Variants in TESC observed in about 807,000 individuals in gnomAD.
TESC encodes the protein calcineurin B homologous protein 3.
Under a neutral mutation model 31.0 loss-of-function variants are expected in TESC, and 19 were observed. That is an observed-to-expected ratio of 0.61 (90% confidence interval 0.43 to 0.90). The LOEUF is 0.90. Among genes scored for constraint, TESC ranks in the 40% least tolerant of loss-of-function variants. The pLI is 0.00. For synonymous variants in TESC, 109 were observed against 114.8 expected (o/e 0.95, Z 0.32); for missense variants, 248 against 303.8 (o/e 0.82, Z 1.36).
intron 6 of TESC, among the ~76,000 whole-genome samples, chr12:117,045,229 C>T (rs1005482035): frequency 6.6e-6 from 1 of 152,226 alleles, no homozygotes; most frequent in South Asian, 2.1e-4. Context: ...GCTACCCCCA[C>T]CTCATGGGGG....
chr12:117,099,120 G>A (rs1955437210), intron 1 of TESC, 105 bp downstream of exon 1: 1 of 1,245,112 alleles, frequency 8.0e-7, no homozygotes, highest in South Asian at 1.6e-5. Context: ...GAGAGGGCCC[G>A]CCACTGGCCC....
At chr12:117,071,892 T>C (rs1012443144) in intron 2 of TESC, among the ~76,000 whole-genome samples, 3 of 152,172 alleles carry the variant, frequency 2.0e-5, no homozygotes, top group African/African-American at 4.8e-5. Context: ...TCCACAGTGC[T>C]GGGCAACGGA....
At chr12:117,059,496 G>A (rs1285372137) in intron 2 of TESC, among the ~76,000 whole-genome samples, 1 of 152,176 alleles carries the variant, frequency 6.6e-6, no homozygotes, top group African/African-American at 2.4e-5. Context: ...CCAGAGAGAT[G>A]GGATGTTATT....
intron 1 of TESC, among the ~76,000 whole-genome samples, chr12:117,080,986 T>C (rs1955140268): frequency 1.3e-5 from 2 of 152,212 alleles, no homozygotes; most frequent in South Asian, 4.1e-4. Context: ...ATGGGCAGAA[T>C]GGGCTTTGGT....
rs1278670181 is a variant in TESC at position 117,039,136 on chromosome 12, G to C, written c.642C>G (p.His214Gln). Residue 214 changes from histidine (H) to glutamine (Q), a missense_variant, in exon 8 of 8, where the codon CAC (histidine) becomes CAG (glutamine). By Grantham distance (24) the His-to-Gln change is conservative (BLOSUM62 0). Coordinates refer to ENST00000335209, the MANE Select transcript of TESC (RefSeq NM_017899.4). Reference protein sequence around the residue: ...FLNMETMALCH With the variant: ...FLNMETMALCQ ...TCTCCGCGGAGGTGGCGGTGGGTCA[G>C]TGGCAGAGGGCCATGGTTTCCATGT... The C allele has an allele frequency of 5.6e-6, 9 of 1,613,890 alleles. No individual in the cohort carries two copies. The highest frequency in any genetic ancestry group is 7.6e-6 in the Non-Finnish European group (9 of 1,179,952).
chr12:117,069,589 CA>C (rs1300642521), intron 2 of TESC, among the ~76,000 whole-genome samples: 1 of 152,096 alleles, frequency 6.6e-6, no homozygotes, highest in Non-Finnish European at 1.5e-5. Context: ...AGAACCCACG[CA>C]AAAGTAAGGC....
chr12:117,075,873 GTGTATATATATATATATA>G (rs1250555441), intron 1 of TESC, among the ~76,000 whole-genome samples: 36 of 22,244 alleles, frequency 1.6e-3, no homozygotes, highest in African/African-American at 5.7e-3. Context: ...ATATATATGT[GTGTATATATATATATATA>G]TATATATATA....
At chr12:117,094,347 G>A (rs1955362666) in intron 1 of TESC, among the ~76,000 whole-genome samples, 1 of 152,188 alleles carries the variant, frequency 6.6e-6, no homozygotes, top group Non-Finnish European at 1.5e-5. Flanking sequence ...GGGAGGGTTG[G>A]CAGCCGAGGA....
intron 3 of TESC, among the ~76,000 whole-genome samples, chr12:117,052,690 C>T (rs1175393274): frequency 6.6e-6 from 1 of 152,166 alleles, no homozygotes; most frequent in Non-Finnish European, 1.5e-5. Flanking sequence ...AACGACAGCT[C>T]TGTCAGGCAG....
At chr12:117,046,884 C>A (rs568312989) in intron 4 of TESC, 46 bp from the exon 5 acceptor site, 3 of 1,530,854 alleles carry the variant, frequency 2.0e-6, no homozygotes, top group East Asian at 2.4e-5. Context: ...CGGGGCCTGG[C>A]CCCTGCCACC....
At chr12:117,084,170 G>GTA (rs935288667) in intron 1 of TESC, 15 of 151,944 alleles carry the variant, frequency 9.9e-5, no homozygotes, top group Admixed American at 9.8e-4. Context: ...CCACTGAACT[G>GTA]TACACTTTTA....
intron 2 of TESC, among the ~76,000 whole-genome samples, chr12:117,062,751 A>T (rs1954815751): frequency 1.3e-5 from 2 of 151,974 alleles, no homozygotes; most frequent in South Asian, 4.2e-4. Flanking sequence ...CTCCATCAAT[A>T]CTCGTGTCAG....
At chr12:117,059,386 T>C (rs1342567281) in intron 2 of TESC, among the ~76,000 whole-genome samples, 2 of 152,194 alleles carry the variant, frequency 1.3e-5, no homozygotes, top group Non-Finnish European at 2.9e-5. Context: ...GGCTCACTCA[T>C]GGCCTCTGGC....
At chr12:117,073,933 C>T in intron 2 of TESC, among the ~76,000 whole-genome samples, 1 of 150,846 alleles carries the variant, frequency 6.6e-6, no homozygotes, top group Non-Finnish European at 1.5e-5. Flanking sequence ...AAATACAAAA[C>T]AATTAACAGG....
chr12:117,059,117 G>C (rs146916003), intron 2 of TESC, among the ~76,000 whole-genome samples: 1 of 152,232 alleles, frequency 6.6e-6, no homozygotes, highest in African/African-American at 2.4e-5. Context: ...AAGTGATGAC[G>C]GGACAGTCAT....
At position 117,051,934 on chromosome 12, in the gene TESC, G is replaced by GTTTA. The variant is rs752119772; in HGVS notation, c.210-2780_210-2777dup. On this transcript the variant is annotated intron_variant, in intron 3 of 7. Coordinates refer to ENST00000335209, the MANE Select transcript of TESC (RefSeq NM_017899.4). ...TCTCCACTCCATTTTTTAAATAAAA[G>GTTTA]TTTATTTATTTATTTATTTTTTAAG... 1.5e-4 allele frequency among the ~76,000 whole-genome samples: 23 copies of GTTTA among 152,200 alleles called. No homozygotes were observed. In the East Asian group the frequency reaches 3.1e-3, roughly 20 times the overall value.
At chr12:117,039,464 T>C (rs1954450058) in intron 7 of TESC, among the ~76,000 whole-genome samples, 1 of 152,240 alleles carries the variant, frequency 6.6e-6, no homozygotes, top group African/African-American at 2.4e-5. Context: ...CAAGTTATTA[T>C]TAAGTACTGA....
intron 3 of TESC, among the ~76,000 whole-genome samples, chr12:117,052,182 T>C (rs1222918422): frequency 6.6e-6 from 1 of 152,176 alleles, no homozygotes; most frequent in Admixed American, 6.5e-5. Flanking sequence ...ATTTTCACTC[T>C]TTTTGCAAAG....
chr12:117,071,761 G>C lies in TESC; in HGVS notation c.128+3510C>G, dbSNP rs554898718. 5.9e-5 allele frequency among the ~76,000 whole-genome samples: 9 copies of C among 152,294 alleles called. No individual in the cohort carries two copies. In the East Asian group the frequency reaches 1.7e-3, roughly 29 times the overall value. On this transcript the variant is annotated intron_variant, in intron 2 of 7. Coordinates refer to ENST00000335209, the MANE Select transcript of TESC (RefSeq NM_017899.4). ...GGCTCACATTTCTAAGCTGAGCCTG[G>C]GCAGGTGAGGCCTGGGAGGTAGGAG... is the stretch of plus-strand genomic sequence containing the variant.
Sources: gnomAD v4.1 joint callset for allele counts (sites outside exome capture counted in the v4.1 genomes callset) on GRCh38, gnomAD v4.1.1 for gene constraint, MANE v1.5 for transcripts, NCBI Gene and HGNC (gene_info 2026-07-23, HGNC 2026-07-21) for gene names.